The following CTNNA2 variants were observed in gnomAD, a reference collection of about 807,000 sequenced individuals.
CTNNA2 encodes catenin alpha-2.
CTNNA2 carries 42 observed loss-of-function variants against 101.0 expected under a neutral mutation model. The observed-to-expected ratio is 0.42, with a 90% CI of 0.32 to 0.54. The LOEUF (loss-of-function observed/expected upper bound fraction) is 0.54. CTNNA2 is among the 20% of genes least tolerant of loss of function. The pLI is 0.14. For synonymous variants in CTNNA2, 450 were observed against 456.4 expected (o/e 0.99, Z 0.18); for missense variants, 871 against 1,223.1 (o/e 0.71, Z 4.29).
intron 3 of CTNNA2, among the ~76,000 whole-genome samples, chr2:79,814,549 A>G (rs1200500513): frequency 1.3e-5 from 2 of 151,972 alleles, no homozygotes; most frequent in African/African-American, 2.4e-5. Context: ...AGCTCACTGC[A>G]AATGCCATTA....
At chr2:79,390,344 C>A (rs1318313300) in intron 4 of CTNNA2, among the ~76,000 whole-genome samples, 1 of 152,204 alleles carries the variant, frequency 6.6e-6, no homozygotes, top group Non-Finnish European at 1.5e-5. Flanking sequence ...AACACATCTA[C>A]TCTTTGTGAC....
intron 3 of CTNNA2, among the ~76,000 whole-genome samples, chr2:79,821,337 T>A (rs1315877394): frequency 1.3e-5 from 2 of 152,158 alleles, no homozygotes; most frequent in African/African-American, 4.8e-5. Flanking sequence ...GCCTCCCAAG[T>A]AGCTGGGACT....
intron 9 of CTNNA2, among the ~76,000 whole-genome samples, chr2:80,440,921 C>A (rs1216979070): frequency 1.3e-5 from 2 of 152,106 alleles, no homozygotes; most frequent in Non-Finnish European, 2.9e-5. Context: ...TTGAGAGTCC[C>A]AGGGTTACTT....
At chr2:80,243,649 G>C (rs1405276963) in intron 7 of CTNNA2, among the ~76,000 whole-genome samples, 1 of 152,182 alleles carries the variant, frequency 6.6e-6, no homozygotes, top group Non-Finnish European at 1.5e-5. Flanking sequence ...ACTACAGTTT[G>C]TTTATCCATT....
At chr2:80,429,132 A>G (rs1025198369) in intron 9 of CTNNA2, among the ~76,000 whole-genome samples, 2 of 152,148 alleles carry the variant, frequency 1.3e-5, no homozygotes, top group Non-Finnish European at 2.9e-5. Context: ...TAATTTAAGA[A>G]TTCCCCAATT....
intron 7 of CTNNA2, among the ~76,000 whole-genome samples, chr2:80,144,479 G>A (rs558723403): frequency 4.6e-5 from 7 of 152,286 alleles, no homozygotes; most frequent in Non-Finnish European, 1.0e-4. Context: ...CAATAAGGCA[G>A]TTTCACAGCA....
chr2:79,687,060 C>T (rs1188506005), intron 2 of CTNNA2, among the ~76,000 whole-genome samples: 1 of 152,130 alleles, frequency 6.6e-6, no homozygotes, highest in Non-Finnish European at 1.5e-5. Context: ...GGAGAAATCA[C>T]TGTAATTCAG....
intron 7 of CTNNA2, among the ~76,000 whole-genome samples, chr2:80,226,250 T>C (rs2149064836): frequency 6.6e-6 from 1 of 152,336 alleles, no homozygotes; most frequent in African/African-American, 2.4e-5. Context: ...TTTCATTCTA[T>C]GTTCAATTAG....
In CTNNA2 at chr2:80,561,165, T is replaced by C. The variant is rs111818476; in HGVS notation, c.1741+5272T>C. Among the ~76,000 whole-genome samples, 396 of 152,130 alleles carry C rather than the reference T, an allele frequency of 2.6e-3. 6 individuals are homozygous for C. The highest frequency in any genetic ancestry group is 8.0e-3 in the African/African-American group (332 of 41,512). On this transcript the variant is annotated intron_variant, in intron 12 of 18. Coordinates refer to ENST00000402739, the MANE Select transcript of CTNNA2 (RefSeq NM_001282597.3). ...GAATATGGGGGACTGGAGTATGAGA[T>C]TGATGTCAGAAGGAGGTGGTAGGGG...
At chr2:79,515,243 G>T (rs1671746745) in intron 1 of CTNNA2, among the ~76,000 whole-genome samples, 1 of 152,204 alleles carries the variant, frequency 6.6e-6, no homozygotes. Flanking sequence ...ACTTAATAGT[G>T]AACTTGTAGA....
chr2:80,240,831 T>A (rs549415689), intron 7 of CTNNA2, among the ~76,000 whole-genome samples: 27 of 152,314 alleles, frequency 1.8e-4, no homozygotes, highest in South Asian at 6.2e-4. Context: ...ACATATAATG[T>A]AAAACATGGA....
chr2:79,748,257 G>T (rs932235795), intron 3 of CTNNA2, among the ~76,000 whole-genome samples: 1 of 152,188 alleles, frequency 6.6e-6, no homozygotes, highest in Non-Finnish European at 1.5e-5. Context: ...AGAGAAAAGA[G>T]CTTGTGGGGA....
chr2:79,490,167 C>T (rs1262505835), intron 4 of CTNNA2, among the ~76,000 whole-genome samples: 1 of 152,170 alleles, frequency 6.6e-6, no homozygotes, highest in Non-Finnish European at 1.5e-5. Context: ...GCTGACCATA[C>T]ATAGTATATA....
intron 4 of CTNNA2, among the ~76,000 whole-genome samples, chr2:79,382,448 A>T (rs895015016): frequency 6.6e-6 from 1 of 152,106 alleles, no homozygotes; most frequent in Non-Finnish European, 1.5e-5. Context: ...GGAGAATCCC[A>T]ACAAATACAT....
chr2:79,642,803 G>A (rs750299511), intron 1 of CTNNA2, among the ~76,000 whole-genome samples: 2 of 148,628 alleles, frequency 1.3e-5, no homozygotes, highest in Non-Finnish European at 3.0e-5. Flanking sequence ...CTCAACTTCT[G>A]CTCCTATCTG....
chr2:80,049,593 C>T (rs1005471307), intron 7 of CTNNA2, among the ~76,000 whole-genome samples: 8 of 152,172 alleles, frequency 5.3e-5, no homozygotes, highest in African/African-American at 1.7e-4. Flanking sequence ...CACATGTTCA[C>T]ATCCAGTTCA....
intron 4 of CTNNA2, among the ~76,000 whole-genome samples, chr2:79,399,019 C>A (rs963495333): frequency 2.0e-5 from 3 of 152,046 alleles, no homozygotes; most frequent in Admixed American, 2.0e-4. Context: ...CTGAATTTAG[C>A]CCATCACATC....
intron 7 of CTNNA2, among the ~76,000 whole-genome samples, chr2:80,306,812 C>T (rs1677073012): frequency 6.6e-6 from 1 of 151,662 alleles, no homozygotes; most frequent in East Asian, 1.9e-4. Flanking sequence ...AAAAAATCCT[C>T]CTAATGCTGG....
intron 7 of CTNNA2, among the ~76,000 whole-genome samples, chr2:80,332,807 C>T (rs1015345230): frequency 6.6e-6 from 1 of 152,084 alleles, no homozygotes; most frequent in African/African-American, 2.4e-5. Context: ...TTGCTATCCT[C>T]CATCTCAGGG....
Sources: allele counts gnomAD v4.1 joint callset (sites outside exome capture counted in the v4.1 genomes callset), GRCh38; gene constraint gnomAD v4.1.1; transcripts MANE v1.5; gene names NCBI Gene and HGNC (gene_info 2026-07-23, HGNC 2026-07-21).